AMZ1: variants seen among roughly 807,000 people sequenced by gnomAD.
AMZ1 encodes the protein archaemetzincin-1.
AMZ1 carries 39 observed loss-of-function variants against 29.9 expected under a neutral mutation model. The observed-to-expected ratio is 1.30, with a 90% CI of 1.01 to 1.70. AMZ1 has a LOEUF of 1.70. Ranked by LOEUF, AMZ1 falls within the 40% of genes most tolerant of loss-of-function variation. The probability of loss-of-function intolerance (pLI) is 0.00; values close to 1 mark genes in which losing one functional copy is unlikely to be tolerated. For synonymous variants in AMZ1, 458 were observed against 304.0 expected (o/e 1.51, Z -5.27); for missense variants, 1,041 against 680.6 (o/e 1.53, Z -5.89).
At chr7:2,707,295 A>AAC (rs1168115106) in intron 3 of AMZ1, among the ~76,000 whole-genome samples, 55 of 149,136 alleles carry the variant, frequency 3.7e-4, no homozygotes, top group East Asian at 1.6e-3. Context: ...AAAACAAAAA[A>AAC]ACACACACAC....
intron 1 of AMZ1, among the ~76,000 whole-genome samples, chr7:2,698,667 G>A (rs780543690): frequency 2.2e-4 from 33 of 151,928 alleles, no homozygotes; most frequent in Non-Finnish European, 3.1e-4. Flanking sequence ...TGAGACCCCC[G>A]TCTCTACAAA....
In AMZ1 at chr7:2,700,277, A is replaced by G; in HGVS notation, c.-175A>G. ...GCGCCCATGCCTGAGAGCGTCCAGG[A>G]CCAGGCAGAGCTGGGCCTTAAGGGC... On this transcript the variant is annotated 5_prime_UTR_variant, in exon 2 of 7. Transcript: ENST00000683327. The G allele has an allele frequency of 1.4e-6, 1 of 716,764 alleles. No individual in the cohort carries two copies. The highest frequency in any genetic ancestry group is 1.9e-5 in the South Asian group (1 of 52,432). The allele number at this position is 716,764 out of a possible 1,614,324, so 44.4% of individuals were successfully genotyped here.
Position 2,715,482 on chromosome 7 carries a change from C to A in AMZ1, c.*2604C>A, listed in dbSNP as rs1196940923. ...GGGTGGGAGCCCACTGGGGTTATGA[C>A]CAAAGCCTCGGCGCTCTCTGTACCC... On this transcript the variant is annotated 3_prime_UTR_variant, in exon 7 of 7. Coordinates refer to ENST00000683327, the MANE Select transcript of AMZ1 (RefSeq NM_001384743.1). 1 of 152,192 alleles carries A rather than the reference C, an allele frequency of 6.6e-6. No homozygotes were observed. Among genetic ancestry groups the A allele is most frequent in the Non-Finnish European group, 1.5e-5 (1 of 68,020 alleles). 9.4% of individuals were successfully genotyped at this position (152,192 alleles called of 1,614,324 possible). A position where few individuals can be genotyped will look rare whatever the true frequency, so the allele number is the denominator to read the frequency against.
chr7:2,712,676 G>A lies in AMZ1; in HGVS notation c.1295G>A (p.Arg432Lys), dbSNP rs777849978. 6.2e-7 allele frequency: 1 copy of A among 1,612,974 alleles called. No individual in the cohort carries two copies. Among genetic ancestry groups the A allele is most frequent in the South Asian group, 1.1e-5 (1 of 91,020 alleles). ...GAGGAGGACCTGGTGCAGGTGGACA[G>A]AGCCGTGGACGCCCTCGACCGCTGG... ...VAEEDLVQVD[R>K]AVDALDRWEM... The change falls in exon 7 of 7, where the codon AGA becomes AAA. Residue 432 changes from arginine (R) to lysine (K), a missense_variant. Transcript: ENST00000683327.
At chr7:2,698,519 C>T (rs1274541452) in intron 1 of AMZ1, among the ~76,000 whole-genome samples, 1 of 151,834 alleles carries the variant, frequency 6.6e-6, no homozygotes, top group Non-Finnish European at 1.5e-5. Context: ...GCCTGGGCGA[C>T]ACAGCAAGAC....
upstream of AMZ1, chr7:2,762,957 G>C (rs1376127905): frequency 7.3e-7 from 1 of 1,366,216 alleles, no homozygotes; most frequent in Non-Finnish European, 9.4e-7. Flanking sequence ...GCCCGTGCCA[G>C]GGTCTCCTGC....
chr7:2,760,186 G>A (rs532733107), upstream of AMZ1, among the ~76,000 whole-genome samples: 3 of 152,350 alleles, frequency 2.0e-5, no homozygotes, highest in Non-Finnish European at 4.4e-5. Flanking sequence ...GCCTGGGGAA[G>A]GAGTGGAGAT....
exon 1 of AMZ1, chr7:2,764,745 G>C (rs1791733208): frequency 6.6e-6 from 1 of 152,256 alleles, no homozygotes; most frequent in Non-Finnish European, 1.5e-5. Flanking sequence ...TTCAGCCACA[G>C]CTGGGAACTG....
Position 2,713,049 on chromosome 7 carries a change from G to T in AMZ1, c.*171G>T, listed in dbSNP as rs144104843. The T allele has an allele frequency of 5.5e-4, 342 of 625,138 alleles. 2 individuals are homozygous for T. The East Asian group carries it at 8.6e-3, about 16-fold the overall frequency. The allele number at this position is 625,138 out of a possible 1,614,324, so 38.7% of individuals were successfully genotyped here. ...GGCCAGGAGTTTGAGACCAGACTGG[G>T]CAACATGGTGAGACTCTGCCTCTAC... On this transcript the variant is annotated 3_prime_UTR_variant, in exon 7 of 7. Transcript: ENST00000683327.
At chr7:2,736,106 A>G (rs905620445) in intron 4 of AMZ1, among the ~76,000 whole-genome samples, 1 of 152,244 alleles carries the variant, frequency 6.6e-6, no homozygotes, top group Admixed American at 6.5e-5. Flanking sequence ...GGCCAGGTTT[A>G]CAATCCCATG....
chr7:2,710,927 G>T (rs1027198590), intron 6 of AMZ1, among the ~76,000 whole-genome samples: 3 of 152,224 alleles, frequency 2.0e-5, no homozygotes, highest in Admixed American at 6.5e-5. Context: ...CTGAGGCTGT[G>T]TAACAGGCAC....
intron 4 of AMZ1, among the ~76,000 whole-genome samples, chr7:2,752,523 C>T (rs951698903): frequency 3.7e-4 from 56 of 152,124 alleles, no homozygotes; most frequent in South Asian, 2.1e-4. Context: ...ATCTGCAGAT[C>T]GCCTAACTGT....
chr7:2,723,562 TGAG>T (rs1035653493), downstream of AMZ1, among the ~76,000 whole-genome samples: 33 of 152,218 alleles, frequency 2.2e-4, no homozygotes, highest in Admixed American at 6.5e-4. Context: ...GCTGTCGGAC[TGAG>T]GAGGAGGAGG....
intron 3 of AMZ1, among the ~76,000 whole-genome samples, chr7:2,705,886 A>C (rs1788323929): frequency 6.6e-6 from 1 of 152,178 alleles, no homozygotes; most frequent in Admixed American, 6.5e-5. Context: ...CTGCAGCCTC[A>C]GCTCTCCTCA....
intron 4 of AMZ1, among the ~76,000 whole-genome samples, chr7:2,740,374 G>A (rs1303838676): frequency 2.0e-5 from 3 of 152,140 alleles, no homozygotes; most frequent in African/African-American, 7.2e-5. Context: ...AGAGACCGGA[G>A]AGCTCTCCCT....
At chr7:2,692,497 G>A (rs1039809625) in intron 1 of AMZ1, among the ~76,000 whole-genome samples, 1 of 152,200 alleles carries the variant, frequency 6.6e-6, no homozygotes, top group African/African-American at 2.4e-5. Flanking sequence ...AGCCGAGATT[G>A]TGCCACTGCA....
Position 2,737,269 on chromosome 7 carries a change from G to GTTTTTTTTTT in AMZ1, n.551-27439_551-27438insTTTTTTTTTT, listed in dbSNP as rs1317020597. Among the ~76,000 whole-genome samples, 50 of 38,120 alleles carry GTTTTTTTTTT rather than the reference G, an allele frequency of 1.3e-3. 8 individuals carry two copies. The highest frequency in any genetic ancestry group is 2.0e-3 in the East Asian group (2 of 1,004). 25.0% of individuals were successfully genotyped at this position (38,120 alleles called of 152,430 possible). A position where few individuals can be genotyped will look rare whatever the true frequency, so the allele number is the denominator to read the frequency against. On this transcript the variant is annotated intron_variant and non_coding_transcript_variant, in intron 4 of 4. Transcript: ENST00000489665. ...CATTCAGGAGCTATCTCACAGTTTT[G>GTTTTTTTTTT]TTTTGTTTTTTTTTTTTTTGTTTTT...
chr7:2,727,185 G>C (rs1013851118), intron 4 of AMZ1, among the ~76,000 whole-genome samples: 2 of 152,082 alleles, frequency 1.3e-5, no homozygotes, highest in African/African-American at 4.8e-5. Flanking sequence ...GGGTTCAAGC[G>C]ATTCTCCTGC....
intron 1 of AMZ1, among the ~76,000 whole-genome samples, chr7:2,682,411 C>A (rs1003994304): frequency 6.6e-6 from 1 of 152,180 alleles, no homozygotes; most frequent in Admixed American, 6.5e-5. Context: ...CAGGCCGATG[C>A]GAGGGTCCTT....
Sources: gnomAD v4.1 joint callset for allele counts (sites outside exome capture counted in the v4.1 genomes callset) on GRCh38, gnomAD v4.1.1 for gene constraint, MANE v1.5 for transcripts, NCBI Gene and HGNC (gene_info 2026-07-23, HGNC 2026-07-21) for gene names.